Variants in APBA1 observed in about 807,000 individuals in gnomAD.
APBA1 encodes the protein amyloid-beta A4 precursor protein-binding family A member 1.
APBA1 carries 55 observed loss-of-function variants against 86.6 expected under a neutral mutation model. That is an observed-to-expected ratio of 0.64 (90% CI 0.51 to 0.80). The LOEUF is 0.80. Among genes scored for constraint, APBA1 ranks in the 30% least tolerant of loss-of-function variants. The pLI is 0.00. For synonymous variants in APBA1, 511 were observed against 493.9 expected (o/e 1.03, Z -0.46); for missense variants, 1,090 against 1,183.0 (o/e 0.92, Z 1.15).
chr9:69,517,122 T>C lies in APBA1; in HGVS notation c.89A>G (p.Glu30Gly). 1.3e-6 allele frequency: 2 copies of C among 1,572,580 alleles called. No individual in the cohort carries two copies. The highest frequency in any genetic ancestry group is 8.6e-7 in the Non-Finnish European group (1 of 1,161,676). ...CTGTTCCTCTTCCACCTCGGGGTGC[T>C]CCAGGTCGGCCTCCACCGACTCGTT... ...EVNESVEADL[E>G]HPEVEEEQQQ... is the part of the protein sequence containing the mutation. The change falls in exon 2 of 13, where the codon GAG (glutamate) becomes GGG (glycine). Residue 30 changes from glutamate to glycine, a missense_variant. Glu to Gly is a moderately conservative substitution (Grantham distance 98, BLOSUM62 -2). Transcript: ENST00000265381.
chr9:69,626,068 A>T (rs1822922292), intron 1 of APBA1, among the ~76,000 whole-genome samples: 1 of 152,200 alleles, frequency 6.6e-6, no homozygotes, highest in South Asian at 2.1e-4. Flanking sequence ...AGTACAGGTC[A>T]TGTCAAATTT....
intron 1 of APBA1, among the ~76,000 whole-genome samples, chr9:69,655,454 GA>G (rs559571079): frequency 6.6e-6 from 1 of 150,698 alleles, no homozygotes; most frequent in African/African-American, 2.4e-5. Context: ...CAAACTATTC[GA>G]AAAAAAATCA....
chr9:69,497,978 T>C (rs1023419676), intron 2 of APBA1, among the ~76,000 whole-genome samples: 1 of 152,114 alleles, frequency 6.6e-6, no homozygotes, highest in Non-Finnish European at 1.5e-5. Flanking sequence ...CATGGAACGA[T>C]GACAGATACC....
chr9:69,624,892 GT>G (rs912497317), intron 1 of APBA1, among the ~76,000 whole-genome samples: 5 of 152,060 alleles, frequency 3.3e-5, no homozygotes, highest in African/African-American at 4.8e-5. Context: ...GTTTTTCCTG[GT>G]TTTTATTCCT....
intron 1 of APBA1, among the ~76,000 whole-genome samples, chr9:69,620,511 C>T (rs1822794703): frequency 6.6e-6 from 1 of 152,072 alleles, no homozygotes; most frequent in Admixed American, 6.5e-5. Context: ...AACCCTGTCT[C>T]TACTAAAATA....
rs1484305637 is a variant in APBA1 at position 69,471,715 on chromosome 9, G to A, written c.1297-20C>T. On this transcript the variant is annotated intron_variant, in intron 3 of 12. Coordinates refer to ENST00000265381, the MANE Select transcript of APBA1 (RefSeq NM_001163.4). ...TCTTGACTGTAATAAAGACAAAGAG[G>A]TTTCAAAAAGAGCAAAGCATAATGA... The A allele has an allele frequency of 6.2e-7, 1 of 1,605,262 alleles. No homozygotes were observed. The highest frequency in any genetic ancestry group is 1.3e-5 in the African/African-American group (1 of 74,596).
chr9:69,646,919 A>G (rs1823400643), intron 1 of APBA1, among the ~76,000 whole-genome samples: 1 of 152,210 alleles, frequency 6.6e-6, no homozygotes, highest in African/African-American at 2.4e-5. Flanking sequence ...CCCTCCATGA[A>G]TAAGTCCTGA....
chr9:69,613,060 T>C (rs1360050008), intron 1 of APBA1, among the ~76,000 whole-genome samples: 1 of 152,152 alleles, frequency 6.6e-6, no homozygotes, highest in Non-Finnish European at 1.5e-5. Context: ...GTGTAAGTCA[T>C]GAAAGGTTTG....
chr9:69,545,332 T>C (rs11139269), intron 1 of APBA1, among the ~76,000 whole-genome samples: 84,148 of 152,082 alleles, frequency 0.55, 25,230 homozygotes, highest in Non-Finnish European at 0.66. Context: ...GCTGCCTAGA[T>C]TCTTGCTGGC....
chr9:69,604,653 CAT>C (rs757130632), intron 1 of APBA1, among the ~76,000 whole-genome samples: 5 of 142,980 alleles, frequency 3.5e-5, no homozygotes, highest in African/African-American at 5.3e-5. Context: ...CACATGCACA[CAT>C]GAGGGTAAGA....
At chr9:69,539,653 C>A (rs1836572577) in intron 1 of APBA1, among the ~76,000 whole-genome samples, 1 of 152,206 alleles carries the variant, frequency 6.6e-6, no homozygotes, top group Non-Finnish European at 1.5e-5. Context: ...GCACCTCTCA[C>A]CTCAGCGTCT....
At chr9:69,548,504 C>T (rs183866503) in intron 1 of APBA1, among the ~76,000 whole-genome samples, 28 of 152,288 alleles carry the variant, frequency 1.8e-4, no homozygotes, top group African/African-American at 4.8e-5. Flanking sequence ...CAAGCTCTTC[C>T]GAAATATTCT....
At chr9:69,622,554 G>T (rs977301013) in intron 1 of APBA1, among the ~76,000 whole-genome samples, 3 of 148,370 alleles carry the variant, frequency 2.0e-5, no homozygotes, top group African/African-American at 7.4e-5. Flanking sequence ...TATTCCAAGT[G>T]GCTTTTTAAT....
intron 11 of APBA1, among the ~76,000 whole-genome samples, chr9:69,433,808 CTTTTT>C (rs35255395): frequency 1.2e-4 from 15 of 128,458 alleles, no homozygotes; most frequent in Non-Finnish European, 1.8e-4. Flanking sequence ...TTACCTAGGA[CTTTTT>C]TTTTTTTTTT....
rs1245742676 is a variant in APBA1 at position 69,658,266 on chromosome 9, TTCTTTCTTTCTTTCTTTC to T, written c.-70+13869_-70+13886del. Among the ~76,000 whole-genome samples the T allele has an allele frequency of 4.7e-4, 38 of 81,670 alleles. 1 individual carries two copies. Among genetic ancestry groups the T allele is most frequent in the African/African-American group, 1.7e-3 (37 of 21,844 alleles). The allele number at this position is 81,670 out of a possible 152,430, so 53.6% of individuals were successfully genotyped here. A position where few individuals can be genotyped will look rare whatever the true frequency, so the allele number is the denominator to read the frequency against. On this transcript the variant is annotated intron_variant, in intron 1 of 12. Transcript: ENST00000265381. Reference sequence around the variant, plus strand: ...TTTCTTTCTTTCTTTCTTTCTTTCTTTCTTTCTTTCTTTCTTTCTCTCTCTCTTTCTCTCTCTCTCTTT... The same window carrying T: ...TTTCTTTCTTTCTTTCTTTCTTTCTTTCTCTCTCTTTCTCTCTCTCTCTTT...
rs1468461102 is a variant in APBA1 at position 69,551,177 on chromosome 9, A to C, written c.-69-33898T>G. Among the ~76,000 whole-genome samples the C allele has an allele frequency of 2.0e-5, 3 of 152,246 alleles. No homozygotes were observed. The East Asian group carries it at 5.8e-4, about 29-fold the overall frequency. On this transcript the variant is annotated intron_variant, in intron 1 of 12. Transcript: ENST00000265381. ...GTGACAGATTTCCAGGAATGAGGTC[A>C]CGGCTGCTTTGTTAACACTGCTATA...
Position 69,431,072 on chromosome 9 carries a change from G to C in APBA1, c.*255C>G, listed in dbSNP as rs1052073721. On this transcript the variant is annotated 3_prime_UTR_variant, in exon 13 of 13. Transcript: ENST00000265381. ...CAGAAAGCCCTCCAGGATGGTCCTG[G>C]GTCAGTACCAGGTGGGTGCTGGCTG... The C allele has an allele frequency of 4.9e-6, 2 of 407,946 alleles. No homozygotes were observed. The highest frequency in any genetic ancestry group is 4.3e-6 in the Non-Finnish European group (1 of 231,378). The allele number at this position is 407,946 out of a possible 1,614,324, so 25.3% of individuals were successfully genotyped here.
intron 1 of APBA1, among the ~76,000 whole-genome samples, chr9:69,535,243 C>T (rs1462068152): frequency 3.3e-5 from 5 of 152,198 alleles, no homozygotes; most frequent in African/African-American, 1.2e-4. Flanking sequence ...AATGCAGATT[C>T]TGGCTGGTGG....
At chr9:69,494,781 G>C (rs754618469) in intron 2 of APBA1, among the ~76,000 whole-genome samples, 17 of 152,140 alleles carry the variant, frequency 1.1e-4, no homozygotes, top group Non-Finnish European at 2.2e-4. Context: ...ATAGCTAAGA[G>C]CACAAGGAGA....
Sources: allele counts gnomAD v4.1 joint callset (sites outside exome capture counted in the v4.1 genomes callset), GRCh38; gene constraint gnomAD v4.1.1; transcripts MANE v1.5; gene names NCBI Gene and HGNC (gene_info 2026-07-23, HGNC 2026-07-21).